The following KCNQ3 variants were observed in gnomAD, a reference collection of about 807,000 sequenced individuals.
KCNQ3 encodes potassium voltage-gated channel subfamily KQT member 3.
Under a neutral mutation model 92.5 loss-of-function variants are expected in KCNQ3, and 30 were observed. The ratio of observed to expected loss-of-function variants is 0.32; its 90% CI spans 0.24 to 0.44. KCNQ3 has a LOEUF of 0.44. Among genes scored for constraint, KCNQ3 ranks in the 20% least tolerant of loss-of-function variants. KCNQ3 has a pLI of 1.00. For synonymous variants in KCNQ3, 450 were observed against 468.8 expected (o/e 0.96, Z 0.52); for missense variants, 913 against 1,140.3 (o/e 0.80, Z 2.87).
intron 4 of KCNQ3, among the ~76,000 whole-genome samples, chr8:132,177,226 C>T (rs151167614): frequency 6.6e-6 from 1 of 152,340 alleles, no homozygotes; most frequent in East Asian, 1.9e-4. Flanking sequence ...GATGGTATAA[C>T]AGTCACCATT....
intron 1 of KCNQ3, among the ~76,000 whole-genome samples, chr8:132,242,808 G>A (rs910521863): frequency 2.9e-4 from 44 of 152,182 alleles, no homozygotes; most frequent in Non-Finnish European, 8.8e-5. Context: ...CTGTGAAACA[G>A]AGCAATGTTT....
intron 1 of KCNQ3, among the ~76,000 whole-genome samples, chr8:132,377,976 T>C (rs1288560423): frequency 7.9e-5 from 12 of 152,182 alleles, no homozygotes; most frequent in Admixed American, 7.9e-4. Flanking sequence ...GTAATCAACA[T>C]ATTCTATGGA....
At chr8:132,201,219 A>G (rs1221857900) in intron 1 of KCNQ3, among the ~76,000 whole-genome samples, 1 of 152,296 alleles carries the variant, frequency 6.6e-6, no homozygotes, top group African/African-American at 2.4e-5. Flanking sequence ...TGGGGATTAC[A>G]TTTCCCAAAC....
chr8:132,320,758 C>T (rs1219353393), intron 1 of KCNQ3, among the ~76,000 whole-genome samples: 2 of 152,010 alleles, frequency 1.3e-5, no homozygotes, highest in East Asian at 1.9e-4. Context: ...GCAGGCTTAA[C>T]GAATCCAAGG....
intron 1 of KCNQ3, among the ~76,000 whole-genome samples, chr8:132,202,659 C>G (rs1013684637): frequency 3.9e-5 from 6 of 152,268 alleles, no homozygotes; most frequent in Admixed American, 1.3e-4. Flanking sequence ...CACTTTATAA[C>G]AAGGACTGCC....
intron 1 of KCNQ3, among the ~76,000 whole-genome samples, chr8:132,187,824 G>A (rs1827031445): frequency 6.9e-6 from 1 of 145,292 alleles, no homozygotes; most frequent in East Asian, 2.0e-4. Flanking sequence ...TGGTGGTGGT[G>A]GTGGTGATTG....
intron 1 of KCNQ3, among the ~76,000 whole-genome samples, chr8:132,338,090 C>A (rs1359891824): frequency 2.0e-5 from 3 of 152,132 alleles, no homozygotes; most frequent in South Asian, 2.1e-4. Flanking sequence ...AATTTCCTTT[C>A]TTTTTGGATT....
intron 1 of KCNQ3, among the ~76,000 whole-genome samples, chr8:132,315,230 G>A (rs1223751583): frequency 6.6e-6 from 1 of 152,108 alleles, no homozygotes; most frequent in Non-Finnish European, 1.5e-5. Context: ...ACGAGGGGAA[G>A]GAATGGAGTC....
chr8:132,443,022 G>A (rs774585949), intron 1 of KCNQ3, among the ~76,000 whole-genome samples: 18 of 152,100 alleles, frequency 1.2e-4, no homozygotes, highest in East Asian at 1.9e-4. Flanking sequence ...CCTCATCTGC[G>A]GCCGGTAATC....
intron 1 of KCNQ3, among the ~76,000 whole-genome samples, chr8:132,249,647 C>A (rs1377546580): frequency 6.6e-6 from 1 of 152,236 alleles, no homozygotes. Context: ...CAGTCCCACG[C>A]CGTGCGCCTG....
intron 9 of KCNQ3, among the ~76,000 whole-genome samples, chr8:132,144,836 C>T (rs1017419811): frequency 6.6e-6 from 1 of 152,206 alleles, no homozygotes; most frequent in Non-Finnish European, 1.5e-5. Context: ...CACATCTGGA[C>T]GTTCAGTCTA....
chr8:132,162,229 T>C lies in KCNQ3; in HGVS notation c.1262+1239A>G, dbSNP rs181141374. Among the ~76,000 whole-genome samples, 96 of 152,312 alleles carry C rather than the reference T, an allele frequency of 6.3e-4. 1 individual carries two copies. The highest frequency in any genetic ancestry group is 2.3e-3 in the African/African-American group (95 of 41,562). The stretch of plus-strand genomic sequence containing the variant: ...TGCTGAATCCAGGGCACAGTGATAT[T>C]TGAATGCAGATTTCAATGAATTTTC... On this transcript the variant is annotated intron_variant, in intron 9 of 14. Transcript: ENST00000388996.
intron 2 of KCNQ3, 124 bp from the exon 3 acceptor site, chr8:132,184,491 G>T: frequency 2.0e-6 from 2 of 1,009,234 alleles, no homozygotes; most frequent in East Asian, 2.8e-5. Context: ...CTGGTTGGCA[G>T]GGATGGCTGG....
intron 1 of KCNQ3, among the ~76,000 whole-genome samples, chr8:132,298,789 A>G (rs981851414): frequency 1.3e-5 from 2 of 152,008 alleles, no homozygotes; most frequent in African/African-American, 4.8e-5. Flanking sequence ...GGCACCTGTA[A>G]TCCCAGCTAC....
At chr8:132,333,429 G>T (rs1818283953) in intron 1 of KCNQ3, among the ~76,000 whole-genome samples, 1 of 152,122 alleles carries the variant, frequency 6.6e-6, no homozygotes, top group South Asian at 2.1e-4. Context: ...CAGGGGAAAG[G>T]GTCTTAGGAA....
intron 1 of KCNQ3, among the ~76,000 whole-genome samples, chr8:132,281,884 TG>T (rs1370376631): frequency 6.6e-6 from 1 of 152,238 alleles, no homozygotes. Context: ...CTCATCTCAC[TG>T]CTCTCACTGA....
At chr8:132,344,560 G>A (rs78628114) in intron 1 of KCNQ3, among the ~76,000 whole-genome samples, 7,920 of 152,266 alleles carry the variant, frequency 0.052, 299 homozygotes, top group South Asian at 0.16. Flanking sequence ...TGCAGATGAG[G>A]AAACTGAGGC....
intron 1 of KCNQ3, among the ~76,000 whole-genome samples, chr8:132,240,946 T>C (rs577426889): frequency 1.3e-5 from 2 of 152,138 alleles, no homozygotes; most frequent in African/African-American, 4.8e-5. Flanking sequence ...TGGAGTGCAG[T>C]GGCTCGAACT....
At chr8:132,462,261 C>T (rs11775213) in intron 1 of KCNQ3, among the ~76,000 whole-genome samples, 41,137 of 151,814 alleles carry the variant, frequency 0.27, 5,871 homozygotes, top group East Asian at 0.37. Context: ...TGCAGTGGCG[C>T]TATCTCGGCT....
Sources: allele counts gnomAD v4.1 joint callset (sites outside exome capture counted in the v4.1 genomes callset), GRCh38; gene constraint gnomAD v4.1.1; transcripts MANE v1.5; gene names NCBI Gene and HGNC (gene_info 2026-07-23, HGNC 2026-07-21).